ABCG4: variants seen among roughly 807,000 people sequenced by gnomAD.
ABCG4 encodes ATP binding cassette subfamily G member 4, also known as ATP-binding cassette sub-family G member 4.
In ABCG4, 35 loss-of-function variants were observed where a neutral mutation model predicts 64.6. That is an observed-to-expected ratio of 0.54 (90% CI 0.41 to 0.72). The LOEUF is 0.72. Among genes scored for constraint, ABCG4 ranks in the 30% least tolerant of loss-of-function variants. ABCG4 has a pLI of 0.00. For synonymous variants in ABCG4, 326 were observed against 348.2 expected, an observed-to-expected ratio of 0.94 and a Z score of 0.71; for missense variants, 610 against 846.3, an observed-to-expected ratio of 0.72 and a Z score of 3.46.
rs1194680809 is a variant in ABCG4 at position 119,156,085 on chromosome 11, T to C, written c.687-244T>C. The C allele has an allele frequency of 1.9e-6, 1 of 524,164 alleles. No individual in the cohort carries two copies. Among genetic ancestry groups the C allele is most frequent in the African/African-American group, 1.9e-5 (1 of 52,330 alleles). The allele number at this position is 524,164 out of a possible 1,614,324, so 32.5% of individuals were successfully genotyped here. A position where few individuals can be genotyped will look rare whatever the true frequency, so the allele number is the denominator to read the frequency against. On this transcript the variant is annotated intron_variant, in intron 6 of 14. Coordinates refer to ENST00000619701, the MANE Select transcript of ABCG4 (RefSeq NM_022169.5). This position sits in a 1 kb window ranked among gnomAD's most constrained non-coding sequence, Gnocchi z 5.5. ...CAGACCAGAGTCTATGTCTTATTTATGCATCATTGTAATCCCAGTGCCTGG... is the reference window on the plus strand; with the variant it reads ...CAGACCAGAGTCTATGTCTTATTTACGCATCATTGTAATCCCAGTGCCTGG...
In ABCG4 at chr11:119,160,298, C is replaced by T. The variant is rs1307437686; in HGVS notation, c.1509C>T (p.Phe503=). The part of the protein sequence containing the change: ...MTGQPAETSR[F]LLFSALATAT... The stretch of plus-strand genomic sequence containing the variant: ...GCCAGCCCGCTGAGACCAGCCGCTT[C>T]CTGCTCTTCTCAGCCCTGGCCACCG... The change falls in exon 13 of 15, where the codon TTC becomes TTT. Residue 503 remains phenylalanine, a synonymous_variant. Coordinates refer to ENST00000619701, the MANE Select transcript of ABCG4 (RefSeq NM_022169.5). This position sits in a 1 kb window ranked among gnomAD's most constrained non-coding sequence, Gnocchi z 4.6. The T allele has an allele frequency of 1.2e-6, 2 of 1,614,004 alleles. No homozygotes were observed. Among genetic ancestry groups the T allele is most frequent in the Admixed American group, 1.7e-5 (1 of 60,020 alleles).
At position 119,150,163 on chromosome 11, in the gene ABCG4, G is replaced by A. The variant is rs762712897; in HGVS notation, c.198G>A (p.Leu66=). 13 of 1,614,158 alleles carry A rather than the reference G, an allele frequency of 8.1e-6. No homozygotes were observed. The highest frequency in any genetic ancestry group is 1.1e-5 in the Non-Finnish European group (13 of 1,180,012). ...RSAVDIEFVE[L]SYSVREGPCW... ...CCGTGGACATCGAGTTCGTGGAGCT[G>A]TCCTATTCCGTGCGGGAGGGGCCCT... The change falls in exon 2 of 15, where the codon CTG becomes CTA. Residue 66 remains leucine, a synonymous_variant. Transcript: ENST00000619701. This position sits in a 1 kb window ranked among gnomAD's most constrained non-coding sequence, Gnocchi z 4.3.
At position 119,154,224 on chromosome 11, in the gene ABCG4, G is replaced by T. The variant is rs750588525; in HGVS notation, c.357-36G>T. 6.2e-7 allele frequency: 1 copy of T among 1,613,240 alleles called. No individual in the cohort carries two copies. The highest frequency in any genetic ancestry group is 1.1e-5 in the South Asian group (1 of 91,074). On this transcript the variant is annotated intron_variant, in intron 3 of 14. Coordinates refer to ENST00000619701, the MANE Select transcript of ABCG4 (RefSeq NM_022169.5). The surrounding 1 kb of genome is among the most constrained non-coding windows in gnomAD (Gnocchi z 7.0). ...GGGAACACAGAAGGTATTCTGAAAG[G>T]GCATTGACCCCCATCCTCAACCCAC... is the stretch of plus-strand genomic sequence containing the variant.
Position 119,160,422 on chromosome 11 carries a change from A to G in ABCG4, c.1596+37A>G. ...GGCAGTTGGGAATTCCCAAGGCGGG[A>G]TGAGGTCTTGTGGGAGGAAGCAGGG... On this transcript the variant is annotated intron_variant, in intron 13 of 14. Coordinates refer to ENST00000619701, the MANE Select transcript of ABCG4 (RefSeq NM_022169.5). This position sits in a 1 kb window ranked among gnomAD's most constrained non-coding sequence, Gnocchi z 4.6. The G allele has an allele frequency of 6.2e-7, 1 of 1,603,644 alleles. No individual in the cohort carries two copies. Among genetic ancestry groups the G allele is most frequent in the Non-Finnish European group, 8.5e-7 (1 of 1,172,224 alleles).
chr11:119,160,500 AC>A lies in ABCG4; in HGVS notation c.1597-34del, dbSNP rs1368129083. ...TAGGAAACCTGGGTTTGTCCTGGTC[AC>A]CCCTATGATGGCCTGGCCCCCTCCC... On this transcript the variant is annotated intron_variant, in intron 13 of 14. Coordinates refer to ENST00000619701, the MANE Select transcript of ABCG4 (RefSeq NM_022169.5). This position sits in a 1 kb window ranked among gnomAD's most constrained non-coding sequence, Gnocchi z 4.6. 6.2e-7 allele frequency: 1 copy of A among 1,607,962 alleles called. No homozygotes were observed.
chr11:119,154,463 G>A lies in ABCG4; in HGVS notation c.490-62G>A, dbSNP rs1948238429. The A allele has an allele frequency of 1.2e-5, 19 of 1,613,942 alleles. No homozygotes were observed. The highest frequency in any genetic ancestry group is 4.0e-5 in the African/African-American group (3 of 74,932). On this transcript the variant is annotated intron_variant, in intron 4 of 14. Transcript: ENST00000619701. This position sits in a 1 kb window ranked among gnomAD's most constrained non-coding sequence, Gnocchi z 7.0. Reference sequence around the variant, plus strand: ...TGCTGTCGCCACCTTCACCATTGGCGGAGGGTTCAAGGCAGAGCTCCCTCC... The same window carrying A: ...TGCTGTCGCCACCTTCACCATTGGCAGAGGGTTCAAGGCAGAGCTCCCTCC...
Position 119,156,245 on chromosome 11 carries a change from C to A in ABCG4, c.687-84C>A, listed in dbSNP as rs1403094734. The A allele has an allele frequency of 4.4e-6, 7 of 1,585,426 alleles. No individual in the cohort carries two copies. In the Admixed American group the frequency reaches 1.2e-4, roughly 27 times the overall value. On this transcript the variant is annotated intron_variant, in intron 6 of 14. Transcript: ENST00000619701. The surrounding 1 kb of genome is among the most constrained non-coding windows in gnomAD (Gnocchi z 5.5). The stretch of plus-strand genomic sequence containing the variant: ...CTCTTCCTGCCAGCTTCATCCCCTT[C>A]ACAGCAGCTGCCCCGCCCCAGACAC...
At position 119,158,775 on chromosome 11, in the gene ABCG4, T is replaced by TGGGGCAG. The variant is rs1185135589; in HGVS notation, c.1337-50_1337-44dup. 3 of 1,614,088 alleles carry TGGGGCAG rather than the reference T, an allele frequency of 1.9e-6. No homozygotes were observed. The Admixed American group carries it at 5.0e-5, about 27-fold the overall frequency. On this transcript the variant is annotated intron_variant, in intron 11 of 14. Transcript: ENST00000619701. The surrounding 1 kb of genome is among the most constrained non-coding windows in gnomAD (Gnocchi z 4.5). ...GGGCAAGGGTGTGGGTGCTGGGGCT[T>TGGGGCAG]GGGGCAGGGGCCAGGGTGTCGGCCG...
At chr11:119,151,726 TTAAAGA>T (rs2135117571) in intron 2 of ABCG4, among the ~76,000 whole-genome samples, 1 of 152,342 alleles carries the variant, frequency 6.6e-6, no homozygotes, top group African/African-American at 2.4e-5. Flanking sequence ...GTCAGAGGAC[TTAAAGA>T]TTAAGTGACT....
intron 2 of ABCG4, among the ~76,000 whole-genome samples, chr11:119,152,436 AG>A (rs919877073): frequency 2.2e-4 from 34 of 152,184 alleles, no homozygotes; most frequent in Admixed American, 1.9e-3. Flanking sequence ...TCGTGGAGGG[AG>A]GGTTAAATAT....
rs1948290698 is a variant in ABCG4 at position 119,158,115 on chromosome 11, T to C, written c.1069-119T>C. The C allele has an allele frequency of 1.3e-6, 1 of 762,176 alleles. No individual in the cohort carries two copies. Among genetic ancestry groups the C allele is most frequent in the Non-Finnish European group, 2.2e-6 (1 of 461,386 alleles). 47.2% of individuals were successfully genotyped at this position (762,176 alleles called of 1,614,324 possible). On this transcript the variant is annotated intron_variant, in intron 9 of 14. Coordinates refer to ENST00000619701, the MANE Select transcript of ABCG4 (RefSeq NM_022169.5). This position sits in a 1 kb window ranked among gnomAD's most constrained non-coding sequence, Gnocchi z 4.5. ...CAACTTAATGGTACAAGATTCTCTG[T>C]AGACCTGGAGGACCCCTACCCTGGG... is the stretch of plus-strand genomic sequence containing the variant.
In ABCG4 at chr11:119,160,980, C is replaced by A; in HGVS notation, c.1815C>A (p.Ile605=). ...GCCCGTTCCGGGAGCCACAGAGCAT[C>A]CTCCGAGCGCTGGATGTGGAGGATG... ...ERCPFREPQS[I]LRALDVEDAK... Residue 605 remains isoleucine, a synonymous_variant, in exon 15 of 15, where the codon ATC becomes ATA. Transcript: ENST00000619701. This position sits in a 1 kb window ranked among gnomAD's most constrained non-coding sequence, Gnocchi z 4.6. The A allele has an allele frequency of 6.2e-7, 1 of 1,614,112 alleles. No homozygotes were observed. The highest frequency in any genetic ancestry group is 8.5e-7 in the Non-Finnish European group (1 of 1,179,990).
Position 119,161,404 on chromosome 11 carries a change from C to T in ABCG4, c.*298C>T. 1 of 303,976 alleles carries T rather than the reference C, an allele frequency of 3.3e-6. No homozygotes were observed. Among genetic ancestry groups the T allele is most frequent in the Non-Finnish European group, 6.2e-6 (1 of 160,970 alleles). 18.8% of individuals were successfully genotyped at this position (303,976 alleles called of 1,614,324 possible). On this transcript the variant is annotated 3_prime_UTR_variant, in exon 15 of 15. Coordinates refer to ENST00000619701, the MANE Select transcript of ABCG4 (RefSeq NM_022169.5). ...ACTACTGGGAGGCTGCTGCCTCCTT[C>T]CTGCCCATGGCACCCTCCTCTGCTG...
rs370365218 is a variant in ABCG4 at position 119,160,493 on chromosome 11, C to A, written c.1597-45C>A. On this transcript the variant is annotated intron_variant, in intron 13 of 14. Coordinates refer to ENST00000619701, the MANE Select transcript of ABCG4 (RefSeq NM_022169.5). This position sits in a 1 kb window ranked among gnomAD's most constrained non-coding sequence, Gnocchi z 4.6. ...GGAGCTCTAGGAAACCTGGGTTTGT[C>A]CTGGTCACCCCTATGATGGCCTGGC... 1.2e-6 allele frequency: 2 copies of A among 1,608,070 alleles called. No homozygotes were observed. Among genetic ancestry groups the A allele is most frequent in the African/African-American group, 2.7e-5 (2 of 74,872 alleles).
At position 119,150,784 on chromosome 11, in the gene ABCG4, C is replaced by T. The variant is rs576375617; in HGVS notation, c.238+581C>T. On this transcript the variant is annotated intron_variant, in intron 2 of 14. Transcript: ENST00000619701. This position sits in a 1 kb window ranked among gnomAD's most constrained non-coding sequence, Gnocchi z 4.3. Reference sequence around the variant, plus strand: ...GAGCTGAGACCAGAAGCCCGGTTTCCCAGCTCTCCATGCATTGTTCCTTTC... The same window carrying T: ...GAGCTGAGACCAGAAGCCCGGTTTCTCAGCTCTCCATGCATTGTTCCTTTC... Among the ~76,000 whole-genome samples, 1 of 152,322 alleles carries T rather than the reference C, an allele frequency of 6.6e-6. No individual in the cohort carries two copies. Among genetic ancestry groups the T allele is most frequent in the African/African-American group, 2.4e-5 (1 of 41,560 alleles).
Position 119,155,279 on chromosome 11 carries a change from G to A in ABCG4, c.686+364G>A, listed in dbSNP as rs1948250861. Among the ~76,000 whole-genome samples, 1 of 152,156 alleles carries A rather than the reference G, an allele frequency of 6.6e-6. No individual in the cohort carries two copies. Among genetic ancestry groups the A allele is most frequent in the Non-Finnish European group, 1.5e-5 (1 of 68,034 alleles). Reference sequence around the variant, plus strand: ...ACAGATTCTTATCTGCTTGTCTCCAGTGTCTCCCAGTCAATCCTTTCTCCA... The same window carrying A: ...ACAGATTCTTATCTGCTTGTCTCCAATGTCTCCCAGTCAATCCTTTCTCCA... On this transcript the variant is annotated intron_variant, in intron 6 of 14. Coordinates refer to ENST00000619701, the MANE Select transcript of ABCG4 (RefSeq NM_022169.5). The surrounding 1 kb of genome is among the most constrained non-coding windows in gnomAD (Gnocchi z 4.5).
In ABCG4 at chr11:119,160,618, C is replaced by T; in HGVS notation, c.1677C>T (p.Pro559=). 6.2e-7 allele frequency: 1 copy of T among 1,613,720 alleles called. No individual in the cohort carries two copies. The highest frequency in any genetic ancestry group is 8.5e-7 in the Non-Finnish European group (1 of 1,179,944). ...SGFFVSFKTI[P]TYLQWSSYLS... is the part of the protein sequence containing the mutation. ...TCTTTGTCAGCTTCAAGACCATCCC[C>T]ACTTACCTGCAATGGAGCTCCTATC... is the stretch of plus-strand genomic sequence containing the variant. The change falls in exon 14 of 15, where the codon CCC becomes CCT. Residue 559 remains proline, a synonymous_variant. Coordinates refer to ENST00000619701, the MANE Select transcript of ABCG4 (RefSeq NM_022169.5). The surrounding 1 kb of genome is among the most constrained non-coding windows in gnomAD (Gnocchi z 4.6).
chr11:119,156,697 G>A lies in ABCG4; in HGVS notation c.925+19G>A. The A allele has an allele frequency of 6.2e-7, 1 of 1,613,254 alleles. No homozygotes were observed. The highest frequency in any genetic ancestry group is 8.5e-7 in the Non-Finnish European group (1 of 1,179,220). On this transcript the variant is annotated intron_variant, in intron 8 of 14. Coordinates refer to ENST00000619701, the MANE Select transcript of ABCG4 (RefSeq NM_022169.5). The surrounding 1 kb of genome is among the most constrained non-coding windows in gnomAD (Gnocchi z 5.5). ...GACTTCAGTGAGTGGGGGTCTGTTG[G>A]TAGGGGCTGGGAAACAGCAGTGGGC...
Position 119,156,706 on chromosome 11 carries a change from G to A in ABCG4, c.925+28G>A. 1 of 1,612,100 alleles carries A rather than the reference G, an allele frequency of 6.2e-7. No individual in the cohort carries two copies. The highest frequency in any genetic ancestry group is 1.1e-5 in the South Asian group (1 of 91,032). ...GAGTGGGGGTCTGTTGGTAGGGGCTGGGAAACAGCAGTGGGCCGAACCTGG... is the reference window on the plus strand; with the variant it reads ...GAGTGGGGGTCTGTTGGTAGGGGCTAGGAAACAGCAGTGGGCCGAACCTGG... On this transcript the variant is annotated intron_variant, in intron 8 of 14. Coordinates refer to ENST00000619701, the MANE Select transcript of ABCG4 (RefSeq NM_022169.5). This position sits in a 1 kb window ranked among gnomAD's most constrained non-coding sequence, Gnocchi z 5.5.
Sources: allele counts gnomAD v4.1 joint callset (sites outside exome capture counted in the v4.1 genomes callset), GRCh38; gene constraint gnomAD v4.1.1; non-coding constraint Gnocchi (gnomAD v3.1); transcripts MANE v1.5; gene names NCBI Gene and HGNC (gene_info 2026-07-23, HGNC 2026-07-21).